The following KCNIP4 variants were observed in gnomAD, a reference collection of about 807,000 sequenced individuals.
The protein encoded by KCNIP4 is potassium voltage-gated channel interacting protein 4.
KCNIP4 carries 12 observed loss-of-function variants against 34.0 expected under a neutral mutation model. The observed-to-expected ratio is 0.35, with a 90% CI of 0.23 to 0.57. KCNIP4 has a LOEUF of 0.57. Ranked by LOEUF, KCNIP4 falls within the 20% of genes least tolerant of loss-of-function variation. KCNIP4 has a pLI of 0.83. For missense variants in KCNIP4, 238 were observed against 311.7 expected (o/e 0.76, Z 1.78); for synonymous variants, 124 against 102.2 (o/e 1.21, Z -1.29).
intron 1 of KCNIP4, among the ~76,000 whole-genome samples, chr4:21,259,921 G>GTGCA (rs386356725): frequency 6.7e-6 from 1 of 148,556 alleles, no homozygotes; most frequent in Non-Finnish European, 1.5e-5. Context: ...GTGTGTGTGT[G>GTGCA]CACGTGCGCT....
chr4:21,375,932 C>T (rs1720926107), intron 1 of KCNIP4, among the ~76,000 whole-genome samples: 1 of 152,200 alleles, frequency 6.6e-6, no homozygotes, highest in Admixed American at 6.5e-5. Context: ...AAAAAGGTAC[C>T]TTTCAAGGCA....
chr4:20,857,310 G>A (rs989149204), intron 2 of KCNIP4, among the ~76,000 whole-genome samples: 5 of 152,108 alleles, frequency 3.3e-5, no homozygotes, highest in East Asian at 1.9e-4. Flanking sequence ...GTAGGACTGC[G>A]AATTCTCATT....
intron 1 of KCNIP4, among the ~76,000 whole-genome samples, chr4:21,770,735 A>G (rs1209906621): frequency 1.3e-5 from 2 of 152,152 alleles, no homozygotes; most frequent in Non-Finnish European, 2.9e-5. Flanking sequence ...TTGACCACGT[A>G]AATGTCTTCT....
intron 3 of KCNIP4, among the ~76,000 whole-genome samples, chr4:20,783,237 C>T (rs1757019338): frequency 6.6e-6 from 1 of 152,172 alleles, no homozygotes; most frequent in South Asian, 2.1e-4. Context: ...ATCTTCTGAG[C>T]CCTCCAAGCT....
chr4:21,059,497 A>G (rs574187663), intron 1 of KCNIP4, among the ~76,000 whole-genome samples: 1 of 152,152 alleles, frequency 6.6e-6, no homozygotes, highest in African/African-American at 2.4e-5. Context: ...CTGACAGTCT[A>G]TTCTAGGACC....
intron 1 of KCNIP4, among the ~76,000 whole-genome samples, chr4:21,855,070 C>T (rs918424078): frequency 3.9e-5 from 6 of 152,180 alleles, no homozygotes; most frequent in African/African-American, 7.2e-5. Flanking sequence ...CAGATACTCC[C>T]AGGATTTTAA....
In KCNIP4 at chr4:21,245,374, G is replaced by A. The variant is rs190228187; in HGVS notation, c.62-362665C>T. Among the ~76,000 whole-genome samples, 307 of 152,204 alleles carry A rather than the reference G, an allele frequency of 2.0e-3. 1 individual carries two copies. Among genetic ancestry groups the A allele is most frequent in the Middle Eastern group, 0.01 (3 of 294 alleles). On this transcript the variant is annotated intron_variant, in intron 1 of 8. Transcript: ENST00000382152. ...AGAATTTTACTTGCTCATTTGTTCC[G>A]ATTTGGGGGTAAGAAGATAGATATT...
chr4:21,186,111 T>C lies in KCNIP4; in HGVS notation c.62-303402A>G, dbSNP rs138793744. ...TGACTTTCTGATCATGTGTCCACTTTTCCAAGCTTATATCCTCAATATCCC... is the reference window on the plus strand; with the variant it reads ...TGACTTTCTGATCATGTGTCCACTTCTCCAAGCTTATATCCTCAATATCCC... On this transcript the variant is annotated intron_variant, in intron 1 of 8. Transcript: ENST00000382152. Among the ~76,000 whole-genome samples, 26 of 152,318 alleles carry C rather than the reference T, an allele frequency of 1.7e-4. No individual in the cohort carries two copies. The East Asian group carries it at 5.0e-3, about 29-fold the overall frequency.
intron 1 of KCNIP4, chr4:21,853,326 T>C (rs1478282957): frequency 6.6e-6 from 1 of 152,204 alleles, no homozygotes; most frequent in Non-Finnish European, 1.5e-5. Flanking sequence ...TGGGACATTG[T>C]AGGCAAAACA....
intron 1 of KCNIP4, among the ~76,000 whole-genome samples, chr4:21,306,575 T>G (rs1205424659): frequency 6.6e-6 from 1 of 152,138 alleles, no homozygotes; most frequent in Non-Finnish European, 1.5e-5. Context: ...TCCGGTAACT[T>G]TGGAACATGA....
At chr4:21,716,842 T>C (rs1333403604) in intron 1 of KCNIP4, among the ~76,000 whole-genome samples, 1 of 152,154 alleles carries the variant, frequency 6.6e-6, no homozygotes, top group African/African-American at 2.4e-5. Flanking sequence ...ATTCCTCCTT[T>C]TGGGGTGACT....
At chr4:21,203,068 G>A (rs554876767) in intron 1 of KCNIP4, among the ~76,000 whole-genome samples, 58 of 152,308 alleles carry the variant, frequency 3.8e-4, no homozygotes, top group Admixed American at 8.5e-4. Context: ...AGCTGTAACC[G>A]TGCACACTTT....
rs143878813 is a variant in KCNIP4, at chr4:21,714,181, C to T, written c.61+234390G>A. Among the ~76,000 whole-genome samples the T allele has an allele frequency of 1.7e-3, 265 of 152,180 alleles. 10 individuals carry two copies. The South Asian group carries it at 0.036, about 21-fold the overall frequency. On this transcript the variant is annotated intron_variant, in intron 1 of 8. Transcript: ENST00000382152. ...GACAGTTTTATAAAAATTATAAACT[C>T]TCTCTCAAGATTAATAAATTGTCAT...
At chr4:21,433,753 T>C (rs1389414116) in intron 1 of KCNIP4, among the ~76,000 whole-genome samples, 1 of 152,172 alleles carries the variant, frequency 6.6e-6, no homozygotes, top group Non-Finnish European at 1.5e-5. Flanking sequence ...GCCAATTTCC[T>C]TCCTAATCTG....
rs572211686 is a variant in KCNIP4 at position 21,286,251 on chromosome 4, T to C, written c.62-403542A>G. On this transcript the variant is annotated intron_variant, in intron 1 of 8. Transcript: ENST00000382152. ...ATGTTTGATTGGACAACATTGTGTATGCATTTCACTGAGTAAAATGCTAGT... is the reference window on the plus strand; with the variant it reads ...ATGTTTGATTGGACAACATTGTGTACGCATTTCACTGAGTAAAATGCTAGT... 3.3e-5 allele frequency among the ~76,000 whole-genome samples: 5 copies of C among 152,354 alleles called. No homozygotes were observed. In the South Asian group the frequency reaches 1.0e-3, roughly 32 times the overall value.
At chr4:20,812,099 T>C (rs532976735) in intron 3 of KCNIP4, among the ~76,000 whole-genome samples, 6 of 152,304 alleles carry the variant, frequency 3.9e-5, no homozygotes, top group Non-Finnish European at 5.9e-5. Flanking sequence ...TTGATTACTT[T>C]TGGGGACATG....
At chr4:21,013,156 C>T (rs1319705253) in intron 1 of KCNIP4, among the ~76,000 whole-genome samples, 2 of 152,146 alleles carry the variant, frequency 1.3e-5, no homozygotes, top group Non-Finnish European at 2.9e-5. Context: ...GGAGGTAGCA[C>T]AGACGCAGCA....
chr4:20,920,213 A>C (rs767002037), intron 1 of KCNIP4, among the ~76,000 whole-genome samples: 44 of 152,312 alleles, frequency 2.9e-4, no homozygotes, highest in Non-Finnish European at 5.7e-4. Flanking sequence ...AAAGTTACTC[A>C]GTTTTAAAAC....
intron 3 of KCNIP4, among the ~76,000 whole-genome samples, chr4:20,807,462 T>C (rs1046594114): frequency 1.3e-5 from 2 of 151,954 alleles, no homozygotes; most frequent in African/African-American, 2.4e-5. Flanking sequence ...ATAAGACCCA[T>C]GAGTTGAGAA....
Sources: allele counts gnomAD v4.1 joint callset (sites outside exome capture counted in the v4.1 genomes callset), GRCh38; gene constraint gnomAD v4.1.1; transcripts MANE v1.5; gene names NCBI Gene and HGNC (gene_info 2026-07-23, HGNC 2026-07-21).